The following KREMEN1 variants were observed in gnomAD, a reference collection of about 807,000 sequenced individuals.
The protein encoded by KREMEN1 is kremen protein 1.
A neutral mutation model predicts 46.5 loss-of-function variants in KREMEN1; 30 were observed. That is an observed-to-expected ratio of 0.65 (90% CI 0.48 to 0.88). KREMEN1 has a LOEUF of 0.88. KREMEN1 is among the 40% of genes least tolerant of loss of function. The probability of loss-of-function intolerance (pLI) is 0.00; values close to 1 mark genes in which losing one functional copy is unlikely to be tolerated. For missense variants in KREMEN1, 533 were observed against 596.9 expected, an observed-to-expected ratio of 0.89 and a Z score of 1.11; for synonymous variants, 214 against 230.6, an observed-to-expected ratio of 0.93 and a Z score of 0.65.
chr22:29,114,018 C>T (rs1426637722), intron 3 of KREMEN1, among the ~76,000 whole-genome samples: 1 of 152,178 alleles, frequency 6.6e-6, no homozygotes, highest in African/African-American at 2.4e-5. Flanking sequence ...GCAGCCTTGA[C>T]AGCAACTGTT....
At chr22:29,157,724 C>T (rs73397030) in intron 9 of KREMEN1, among the ~76,000 whole-genome samples, 1,570 of 152,316 alleles carry the variant, frequency 0.01, 27 homozygotes, top group African/African-American at 0.035. Context: ...GGCAAGGACC[C>T]GCCTTGGAAA....
Position 29,164,755 on chromosome 22 carries a change from AAC to A in KREMEN1, c.1417-2287_1417-2286del, listed in dbSNP as rs1208274359. Among the ~76,000 whole-genome samples the A allele has an allele frequency of 1.7e-4, 25 of 149,316 alleles. 4 individuals are homozygous for A. The highest frequency in any genetic ancestry group is 3.0e-4 in the African/African-American group (12 of 40,494). On this transcript the variant is annotated intron_variant, in intron 9 of 9. Coordinates refer to the KREMEN1 transcript ENST00000327813. ...GAGTGAAACTCCATCTCAAAAAAAA[AAC>A]AAAAAAAAAAACCCAAAACAAGGAA...
intron 9 of KREMEN1, among the ~76,000 whole-genome samples, chr22:29,160,326 T>C (rs1348696170): frequency 1.3e-5 from 2 of 150,994 alleles, no homozygotes; most frequent in Middle Eastern, 3.4e-3. Flanking sequence ...AGGTCAGGAG[T>C]TCGAGACCAG....
At chr22:29,078,408 C>T (rs759045495) in intron 1 of KREMEN1, among the ~76,000 whole-genome samples, 1 of 151,200 alleles carries the variant, frequency 6.6e-6, no homozygotes, top group Admixed American at 6.6e-5. Context: ...TAGAACAAAC[C>T]GTTGAGAGAT....
intron 3 of KREMEN1, among the ~76,000 whole-genome samples, chr22:29,119,312 C>T (rs1261838788): frequency 6.6e-6 from 1 of 152,226 alleles, no homozygotes; most frequent in Non-Finnish European, 1.5e-5. Context: ...ATACCTGGCA[C>T]AGATATTTAT....
Position 29,137,585 on chromosome 22 carries a change from T to G in KREMEN1, c.875T>G (p.Leu292Arg). 1 of 1,613,696 alleles carries G rather than the reference T, an allele frequency of 6.2e-7. No homozygotes were observed. Among genetic ancestry groups the G allele is most frequent in the Non-Finnish European group, 8.5e-7 (1 of 1,179,592 alleles). The change falls in exon 6 of 9, where the codon CTG becomes CGG. Residue 292 changes from leucine to arginine, a missense_variant. Coordinates refer to ENST00000400335, the MANE Select transcript of KREMEN1 (RefSeq NM_001039570.3). ...ARFHGRSRPP[L>R]SFNVSLDFVI... Reference sequence around the variant, plus strand: ...TTCCACGGGAGGAGCCGCCCACCTCTGTCCTTCAACGTCTCTCTGGACTTC... The same window carrying G: ...TTCCACGGGAGGAGCCGCCCACCTCGGTCCTTCAACGTCTCTCTGGACTTC...
chr22:29,161,788 T>A (rs1011346831), intron 9 of KREMEN1, among the ~76,000 whole-genome samples: 25 of 151,746 alleles, frequency 1.6e-4, no homozygotes, highest in African/African-American at 5.6e-4. Context: ...GACACAACAA[T>A]CCTCAACAAA....
chr22:29,103,170 A>G (rs1483373066), intron 3 of KREMEN1, among the ~76,000 whole-genome samples: 1 of 152,236 alleles, frequency 6.6e-6, no homozygotes, highest in Non-Finnish European at 1.5e-5. Flanking sequence ...AAACCTCTGC[A>G]TGAAGCCTGC....
chr22:29,103,191 T>A (rs1276701903), intron 3 of KREMEN1, among the ~76,000 whole-genome samples: 1 of 152,232 alleles, frequency 6.6e-6, no homozygotes, highest in African/African-American at 2.4e-5. Flanking sequence ...TATTCATGAT[T>A]AGTATTGAAC....
intron 9 of KREMEN1, among the ~76,000 whole-genome samples, chr22:29,159,565 G>A (rs1395697345): frequency 6.6e-6 from 1 of 152,162 alleles, no homozygotes; most frequent in African/African-American, 2.4e-5. Flanking sequence ...GTTGCAGTGA[G>A]CCGAGATCAC....
rs946916997 is a variant in KREMEN1, at chr22:29,145,882, G to A, written c.*3770G>A. 2.4e-5 allele frequency: 24 copies of A among 985,720 alleles called. No individual in the cohort carries two copies. The highest frequency in any genetic ancestry group is 1.9e-4 in the African/African-American group (11 of 57,342). 61.1% of individuals were successfully genotyped at this position (985,720 alleles called of 1,614,324 possible). ...TGGCCCTCGGGTAGAACCCACGGGC[G>A]TGCCTGGGTGCGGCTCCACCCACAT... On this transcript the variant is annotated 3_prime_UTR_variant, in exon 9 of 9. Coordinates refer to ENST00000400335, the MANE Select transcript of KREMEN1 (RefSeq NM_001039570.3).
intron 3 of KREMEN1, among the ~76,000 whole-genome samples, chr22:29,116,961 C>T (rs1186974749): frequency 6.6e-6 from 1 of 152,110 alleles, no homozygotes; most frequent in African/African-American, 2.4e-5. Context: ...AGTTTGTTTC[C>T]GAAGGATGCA....
chr22:29,112,051 C>T (rs2038161918), intron 3 of KREMEN1, among the ~76,000 whole-genome samples: 1 of 152,192 alleles, frequency 6.6e-6, no homozygotes, highest in South Asian at 2.1e-4. Flanking sequence ...CTTTCACTAT[C>T]TGTCTCTGTG....
rs764229089 is a variant in KREMEN1, at chr22:29,145,743, T to C, written c.*3631T>C. The C allele has an allele frequency of 5.1e-6, 5 of 985,550 alleles. No individual in the cohort carries two copies. Among genetic ancestry groups the C allele is most frequent in the Non-Finnish European group, 6.0e-6 (5 of 829,994 alleles). 61.1% of individuals were successfully genotyped at this position (985,550 alleles called of 1,614,324 possible). A position where few individuals can be genotyped will look rare whatever the true frequency, so the allele number is the denominator to read the frequency against. On this transcript the variant is annotated 3_prime_UTR_variant, in exon 9 of 9. Transcript: ENST00000400335. Reference sequence around the variant, plus strand: ...CGTCAGGACAGGCTTGAGGCCTCTCTGGGCGTGAGCGAGGAAACCAGGCTG... The same window carrying C: ...CGTCAGGACAGGCTTGAGGCCTCTCCGGGCGTGAGCGAGGAAACCAGGCTG...
intron 7 of KREMEN1, among the ~76,000 whole-genome samples, chr22:29,139,812 G>A (rs1011589050): frequency 6.6e-6 from 1 of 152,106 alleles, no homozygotes; most frequent in African/African-American, 2.4e-5. Context: ...CTGGGCCCCT[G>A]CAGGACCCAC....
intron 3 of KREMEN1, among the ~76,000 whole-genome samples, chr22:29,120,487 AGGAGAGGTGATAAAGGAAACGGAGGAG>A (rs1569326046): frequency 3.9e-5 from 2 of 51,328 alleles, no homozygotes; most frequent in Admixed American, 2.4e-4. Flanking sequence ...ACAGGGAGGA[AGGAGAGGTGATAAAGGAAACGGAGGAG>A]GGAGAGGTGA....
At chr22:29,098,350 G>A (rs1465996440) in intron 2 of KREMEN1, among the ~76,000 whole-genome samples, 1 of 151,904 alleles carries the variant, frequency 6.6e-6, no homozygotes, top group Non-Finnish European at 1.5e-5. Flanking sequence ...AAAATGTTTT[G>A]TTGAACATCT....
rs1456515617 is a variant in KREMEN1 at position 29,146,679 on chromosome 22, G to A, written c.*4567G>A. On this transcript the variant is annotated 3_prime_UTR_variant, in exon 9 of 9. Transcript: ENST00000400335. ...TGTATTTTAAAATATAAGATGAAGT[G>A]TGACGCACTGTATACAATTTAATAT... The A allele has an allele frequency of 1.1e-6, 1 of 932,456 alleles. No homozygotes were observed. Among genetic ancestry groups the A allele is most frequent in the East Asian group, 1.2e-4 (1 of 8,530 alleles). 57.8% of individuals were successfully genotyped at this position (932,456 alleles called of 1,614,324 possible). A position where few individuals can be genotyped will look rare whatever the true frequency, so the allele number is the denominator to read the frequency against.
chr22:29,109,627 G>A (rs188485026), intron 3 of KREMEN1, among the ~76,000 whole-genome samples: 12 of 152,304 alleles, frequency 7.9e-5, no homozygotes, highest in Admixed American at 6.5e-4. Flanking sequence ...GGACAAAAAG[G>A]AACCAGGTCA....
Sources: gnomAD v4.1 joint callset for allele counts (sites outside exome capture counted in the v4.1 genomes callset) on GRCh38, gnomAD v4.1.1 for gene constraint, MANE v1.5 for transcripts, NCBI Gene and HGNC (gene_info 2026-07-23, HGNC 2026-07-21) for gene names.